SMYD3: variants seen among roughly 807,000 people sequenced by gnomAD.
The protein encoded by SMYD3 is SET and MYND domain containing 3, also known as histone-lysine N-methyltransferase SMYD3.
A neutral mutation model predicts 57.7 loss-of-function variants in SMYD3; 36 were observed. That is an observed-to-expected ratio of 0.62 (90% CI 0.48 to 0.82). The LOEUF is 0.82. Ranked by LOEUF, SMYD3 falls within the 40% of genes least tolerant of loss-of-function variation. The probability of loss-of-function intolerance (pLI) is 0.00; values close to 1 mark genes in which losing one functional copy is unlikely to be tolerated. For missense variants in SMYD3, 515 were observed against 538.8 expected (o/e 0.96, Z 0.44); for synonymous variants, 211 against 195.0 (o/e 1.08, Z -0.68).
intron 1 of SMYD3, among the ~76,000 whole-genome samples, chr1:246,463,195 C>T (rs2067828139): frequency 6.6e-6 from 1 of 151,692 alleles, no homozygotes; most frequent in Non-Finnish European, 1.5e-5. Context: ...TACCAGGTGA[C>T]GAATCAGGAG....
chr1:246,501,730 C>A (rs540769338), intron 1 of SMYD3, among the ~76,000 whole-genome samples: 14 of 152,290 alleles, frequency 9.2e-5, no homozygotes, highest in Non-Finnish European at 1.8e-4. Flanking sequence ...GTTCTCATAG[C>A]CAAGCAGCTG....
At chr1:246,346,670 G>A (rs2065724066) in intron 2 of SMYD3, among the ~76,000 whole-genome samples, 3 of 152,096 alleles carry the variant, frequency 2.0e-5, no homozygotes, top group African/African-American at 7.2e-5. Context: ...ACAGGATGGG[G>A]GATACTGCCC....
intron 11 of SMYD3, among the ~76,000 whole-genome samples, chr1:245,752,393 G>A (rs2045427494): frequency 6.6e-6 from 1 of 152,030 alleles, no homozygotes; most frequent in South Asian, 2.1e-4. Context: ...CCTCTTTTTT[G>A]CCCTCCTGGT....
At chr1:246,001,967 G>A (rs1386656229) in intron 5 of SMYD3, among the ~76,000 whole-genome samples, 1 of 151,970 alleles carries the variant, frequency 6.6e-6, no homozygotes, top group Non-Finnish European at 1.5e-5. Flanking sequence ...TCTGGTTCTG[G>A]GCGATCCCCA....
chr1:246,417,843 G>A (rs958470825), intron 1 of SMYD3, among the ~76,000 whole-genome samples: 4 of 152,186 alleles, frequency 2.6e-5, no homozygotes, highest in Non-Finnish European at 5.9e-5. Flanking sequence ...TCCCAAGCAA[G>A]AAGGGGACCA....
intron 1 of SMYD3, among the ~76,000 whole-genome samples, chr1:246,378,372 A>C (rs2066314617): frequency 6.6e-6 from 1 of 152,030 alleles, no homozygotes; most frequent in Non-Finnish European, 1.5e-5. Flanking sequence ...GGACTGGGAA[A>C]GGCAGACCCA....
intron 4 of SMYD3, among the ~76,000 whole-genome samples, chr1:246,328,685 AT>A (rs895135605): frequency 2.6e-4 from 38 of 147,110 alleles, no homozygotes; most frequent in African/African-American, 5.0e-5. Context: ...TATTTTATTT[AT>A]TTTTTCTTTT....
intron 5 of SMYD3, among the ~76,000 whole-genome samples, chr1:246,080,849 T>C (rs1220781341): frequency 1.3e-5 from 2 of 152,170 alleles, no homozygotes; most frequent in Non-Finnish European, 2.9e-5. Flanking sequence ...CTCCCCAATA[T>C]CTACAACAAT....
At chr1:245,977,274 C>T (rs530809808) in intron 5 of SMYD3, among the ~76,000 whole-genome samples, 21 of 152,338 alleles carry the variant, frequency 1.4e-4, no homozygotes, top group African/African-American at 4.3e-4. Flanking sequence ...AACACGGCTC[C>T]GCTTGATCCA....
chr1:246,354,049 A>G (rs2065873847), intron 2 of SMYD3, among the ~76,000 whole-genome samples: 1 of 152,240 alleles, frequency 6.6e-6, no homozygotes, highest in Non-Finnish European at 1.5e-5. Flanking sequence ...AAAACCCCTG[A>G]GACAAGCATG....
chr1:246,466,847 C>A (rs199619919), intron 1 of SMYD3, among the ~76,000 whole-genome samples: 6,362 of 151,938 alleles, frequency 0.042, 193 homozygotes, highest in East Asian at 0.17. Context: ...GGCCCTGTCT[C>A]AAAAAGAATA....
chr1:246,325,301 G>GGGGCGGGAAGGAGGGAGAAGGAGTT (rs2065331243), intron 5 of SMYD3, among the ~76,000 whole-genome samples: 1 of 135,310 alleles, frequency 7.4e-6, no homozygotes, highest in African/African-American at 2.7e-5. Flanking sequence ...AAGGAGTTGG[G>GGGGCGGGAAGGAGGGAGAAGGAGTT]GGGGCGGGAA....
At chr1:245,904,859 A>G (rs962316319) in intron 8 of SMYD3, among the ~76,000 whole-genome samples, 1 of 151,526 alleles carries the variant, frequency 6.6e-6, no homozygotes, top group Non-Finnish European at 1.5e-5. Flanking sequence ...AGGAGAGGAC[A>G]GGGAAGAGTA....
At chr1:245,984,437 C>G (rs1010895272) in intron 5 of SMYD3, among the ~76,000 whole-genome samples, 40 of 152,210 alleles carry the variant, frequency 2.6e-4, no homozygotes, top group Non-Finnish European at 8.8e-5. Context: ...GCAGAAGCAC[C>G]TCCCCTCCTG....
intron 10 of SMYD3, among the ~76,000 whole-genome samples, chr1:245,806,887 G>C (rs1385020343): frequency 2.3e-5 from 3 of 130,080 alleles, no homozygotes; most frequent in Non-Finnish European, 3.1e-5. Flanking sequence ...TCCGCAATCC[G>C]GCCTGGGCGA....
intron 5 of SMYD3, among the ~76,000 whole-genome samples, chr1:245,995,438 T>C (rs2058908453): frequency 6.6e-6 from 1 of 152,250 alleles, no homozygotes; most frequent in South Asian, 2.1e-4. Context: ...GAGGGTGCTA[T>C]AAGGATTAAA....
chr1:245,785,891 G>A (rs2047019595), intron 10 of SMYD3, among the ~76,000 whole-genome samples: 1 of 151,650 alleles, frequency 6.6e-6, no homozygotes, highest in African/African-American at 2.4e-5. Context: ...TTTTTGTAGA[G>A]ATGGAGTCTC....
chr1:245,818,020 A>G (rs1006652174), intron 10 of SMYD3, among the ~76,000 whole-genome samples: 26 of 152,160 alleles, frequency 1.7e-4, no homozygotes, highest in African/African-American at 6.3e-4. Context: ...AGGCAGGCCA[A>G]CATTCAGATT....
chr1:245,944,883 G>A (rs1468559936), intron 5 of SMYD3, among the ~76,000 whole-genome samples: 1 of 152,066 alleles, frequency 6.6e-6, no homozygotes, highest in South Asian at 2.1e-4. Flanking sequence ...AAAAGCAATG[G>A]AGAAAGGATT....
Sources: allele counts gnomAD v4.1 joint callset (sites outside exome capture counted in the v4.1 genomes callset), GRCh38; gene constraint gnomAD v4.1.1; transcripts MANE v1.5; gene names NCBI Gene and HGNC (gene_info 2026-07-23, HGNC 2026-07-21).